The following TENM3 variants were observed in gnomAD, a reference collection of about 807,000 sequenced individuals.
TENM3 encodes the protein teneurin-3.
TENM3 carries 63 observed loss-of-function variants against 255.1 expected under a neutral mutation model. That is an observed-to-expected ratio of 0.25 (90% CI 0.20 to 0.30). The LOEUF is 0.30. TENM3 is among the 10% of genes least tolerant of loss of function. TENM3 has a pLI of 1.00. For synonymous variants in TENM3, 1,306 were observed against 1,322.3 expected (o/e 0.99, Z 0.27); for missense variants, 2,929 against 3,461.1 (o/e 0.85, Z 3.86).
intron 3 of TENM3, among the ~76,000 whole-genome samples, chr4:182,358,296 A>C (rs1361561069): frequency 7.2e-6 from 1 of 138,736 alleles, no homozygotes; most frequent in Non-Finnish European, 1.6e-5. Flanking sequence ...TGAATCGATA[A>C]ATTACCTTGG....
rs1554045594 is a variant in TENM3, at chr4:182,299,016, A to AAAAAAAAAAAAAAGAGGTAAT, written c.-75-24930_-75-24929insAAAAAAAAAAAAAGAGGTAAT. On this transcript the variant is annotated intron_variant, in intron 1 of 27. Coordinates refer to ENST00000511685, the MANE Select transcript of TENM3 (RefSeq NM_001080477.4). Reference sequence around the variant, plus strand: ...AAAAAAAAAAAAAAAAAAAAAAAAAAGAGGTAATGGACTGGCCACTGCAGA... The same window carrying AAAAAAAAAAAAAAGAGGTAAT: ...AAAAAAAAAAAAAAAAAAAAAAAAAAAAAAAAAAAAAAAGAGGTAATGAGGTAATGGACTGGCCACTGCAGA... Among the ~76,000 whole-genome samples, 23 of 102,338 alleles carry AAAAAAAAAAAAAAGAGGTAAT rather than the reference A, an allele frequency of 2.2e-4. 2 individuals carry two copies. The highest frequency in any genetic ancestry group is 8.7e-4 in the African/African-American group (19 of 21,806). The allele number at this position is 102,338 out of a possible 152,430, so 67.1% of individuals were successfully genotyped here.
At chr4:182,478,990 A>ACTAGTAT (rs1163398986) in intron 3 of TENM3, among the ~76,000 whole-genome samples, 3 of 152,048 alleles carry the variant, frequency 2.0e-5, no homozygotes, top group African/African-American at 7.2e-5. Context: ...CATTTTATTT[A>ACTAGTAT]CTAGTATATT....
At chr4:182,747,198 A>G (rs1179858157) in intron 19 of TENM3, among the ~76,000 whole-genome samples, 1 of 152,228 alleles carries the variant, frequency 6.6e-6, no homozygotes, top group African/African-American at 2.4e-5. Flanking sequence ...ATTAAAATAT[A>G]AAAATGCAAA....
intron 3 of TENM3, among the ~76,000 whole-genome samples, chr4:182,389,281 A>G (rs1231195899): frequency 6.6e-6 from 1 of 152,030 alleles, no homozygotes; most frequent in Non-Finnish European, 1.5e-5. Flanking sequence ...CACCTGCCCT[A>G]CAAACTCTCT....
chr4:182,100,432 T>G, the TENM3 span, among the ~76,000 whole-genome samples: 1 of 84,842 alleles, frequency 1.2e-5, no homozygotes, highest in Non-Finnish European at 2.4e-5. Context: ...CAAAACTCCG[T>G]CTCCGTAAAA....
chr4:182,748,928 G>A (rs1762191534), intron 19 of TENM3, among the ~76,000 whole-genome samples: 1 of 152,140 alleles, frequency 6.6e-6, no homozygotes, highest in Non-Finnish European at 1.5e-5. Context: ...TGTCTTCTAG[G>A]AAGGAGATGC....
the TENM3 span, among the ~76,000 whole-genome samples, chr4:181,679,771 G>T: frequency 6.6e-6 from 1 of 152,120 alleles, no homozygotes; most frequent in Non-Finnish European, 1.5e-5. Context: ...TAGTGCATTT[G>T]TTATAATAAT....
intron 1 of TENM3, among the ~76,000 whole-genome samples, chr4:182,244,842 C>T (rs1486989382): frequency 6.6e-6 from 1 of 152,214 alleles, no homozygotes; most frequent in Non-Finnish European, 1.5e-5. Context: ...AATAGAGCCT[C>T]ATGCAAATCA....
chr4:182,376,658 C>A lies in TENM3; in HGVS notation c.511+29729C>A, dbSNP rs550590906. Among the ~76,000 whole-genome samples, 3 of 151,798 alleles carry A rather than the reference C, an allele frequency of 2.0e-5. No individual in the cohort carries two copies. In the East Asian group the frequency reaches 5.8e-4, roughly 29 times the overall value. ...GTGTCACCAAGCATTGGAGCAGCAACGTGGCAGAGGAGGGAGGTGGCTGAA... is the reference window on the plus strand; with the variant it reads ...GTGTCACCAAGCATTGGAGCAGCAAAGTGGCAGAGGAGGGAGGTGGCTGAA... On this transcript the variant is annotated intron_variant, in intron 3 of 27. Coordinates refer to ENST00000511685, the MANE Select transcript of TENM3 (RefSeq NM_001080477.4).
At chr4:181,485,948 T>C in the TENM3 span, among the ~76,000 whole-genome samples, 1 of 152,060 alleles carries the variant, frequency 6.6e-6, no homozygotes, top group African/African-American at 2.4e-5. Context: ...AGCCACTGCG[T>C]GAAAAATTTT....
At position 182,227,434 on chromosome 4, in the gene TENM3, A is replaced by G. The variant is rs192016946; in HGVS notation, c.-76+82680A>G. 1.7e-4 allele frequency among the ~76,000 whole-genome samples: 25 copies of G among 149,462 alleles called. 1 individual carries two copies. Among genetic ancestry groups the G allele is most frequent in the Middle Eastern group, 3.4e-3 (1 of 294 alleles). ...GATTACCTCTTATTGGCCAGTGTCC[A>G]CTGTCGGTGGAATGGCTGCATGGCC... On this transcript the variant is annotated intron_variant, in intron 1 of 2. Transcript: ENST00000512480.
intron 3 of TENM3, among the ~76,000 whole-genome samples, chr4:182,492,973 TGAAA>T (rs1452211858): frequency 6.6e-6 from 1 of 152,016 alleles, no homozygotes; most frequent in Admixed American, 6.6e-5. Context: ...TTTCAAGAAG[TGAAA>T]GGAAGGAGTG....
At chr4:181,843,379 C>T in the TENM3 span, among the ~76,000 whole-genome samples, 1 of 152,162 alleles carries the variant, frequency 6.6e-6, no homozygotes, top group African/African-American at 2.4e-5. Flanking sequence ...TTCAATAACT[C>T]ATTTTCCTTG....
the TENM3 span, among the ~76,000 whole-genome samples, chr4:181,468,621 A>C: frequency 2.0e-5 from 3 of 152,224 alleles, no homozygotes; most frequent in South Asian, 6.2e-4. Context: ...ATGACACATT[A>C]GTGCTGGAAT....
At chr4:182,006,202 T>C in the TENM3 span, among the ~76,000 whole-genome samples, 3 of 152,188 alleles carry the variant, frequency 2.0e-5, no homozygotes, top group Non-Finnish European at 4.4e-5. Context: ...GGCTGTGAGT[T>C]TGTCATAAAT....
chr4:182,106,168 A>C, the TENM3 span, among the ~76,000 whole-genome samples: 1 of 152,174 alleles, frequency 6.6e-6, no homozygotes, highest in Non-Finnish European at 1.5e-5. Flanking sequence ...CTTCTAGGGC[A>C]AGGTTAAATC....
At chr4:182,287,939 G>GT (rs779642897) in intron 1 of TENM3, among the ~76,000 whole-genome samples, 40 of 149,280 alleles carry the variant, frequency 2.7e-4, no homozygotes, top group Non-Finnish European at 1.2e-4. Context: ...TTTGTTTTTT[G>GT]TTTTTTGTGT....
At chr4:182,648,687 A>T (rs10011637) in intron 5 of TENM3, among the ~76,000 whole-genome samples, 69,909 of 151,860 alleles carry the variant, frequency 0.46, 16,379 homozygotes, top group Admixed American at 0.58. Flanking sequence ...TGTGAGCAGC[A>T]CTCCAGAAAC....
the TENM3 span, among the ~76,000 whole-genome samples, chr4:181,448,479 G>A: frequency 1.3e-5 from 2 of 152,174 alleles, no homozygotes; most frequent in Non-Finnish European, 2.9e-5. Flanking sequence ...CCGAAATCCA[G>A]TAATTATTAA....
Sources: allele counts gnomAD v4.1 joint callset (sites outside exome capture counted in the v4.1 genomes callset), GRCh38; gene constraint gnomAD v4.1.1; transcripts MANE v1.5; gene names NCBI Gene and HGNC (gene_info 2026-07-23, HGNC 2026-07-21).